The following CCDC171 variants were observed in gnomAD, a reference collection of about 807,000 sequenced individuals.
CCDC171 encodes the protein coiled-coil domain containing 171, also known as coiled-coil domain-containing protein 171.
A neutral mutation model predicts 168.2 loss-of-function variants in CCDC171; 177 were observed. That is an observed-to-expected ratio of 1.05 (90% confidence interval 0.93 to 1.19). The LOEUF (loss-of-function observed/expected upper bound fraction) is 1.19. Ranked by LOEUF, CCDC171 falls within the 50% of genes most tolerant of loss-of-function variation. The pLI, the probability that CCDC171 is intolerant of heterozygous loss-of-function variation, is 0.00. For missense variants in CCDC171, 1,991 were observed against 1,539.0 expected (o/e 1.29, Z -4.91); for synonymous variants, 687 against 540.8 (o/e 1.27, Z -3.75).
chr9:15,933,802 T>A lies in CCDC171; in HGVS notation c.3753+13380T>A, dbSNP rs146165113. Among the ~76,000 whole-genome samples the A allele has an allele frequency of 5.3e-3, 813 of 152,090 alleles. 9 individuals are homozygous for A. Among genetic ancestry groups the A allele is most frequent in the African/African-American group, 0.018 (763 of 41,528 alleles). ...GGATTAAAAACCTACATAAGAGATCTAAAACTATAAAATGCTTAGTAAAAT... is the reference window on the plus strand; with the variant it reads ...GGATTAAAAACCTACATAAGAGATCAAAAACTATAAAATGCTTAGTAAAAT... On this transcript the variant is annotated intron_variant, in intron 25 of 25. Transcript: ENST00000380701.
intron 18 of CCDC171, among the ~76,000 whole-genome samples, chr9:15,766,641 A>G (rs1437453256): frequency 2.1e-5 from 3 of 142,846 alleles, no homozygotes; most frequent in African/African-American, 7.8e-5. Context: ...TCTTAGTTAC[A>G]TTTATTTTTA....
intron 7 of CCDC171, among the ~76,000 whole-genome samples, chr9:15,626,160 G>A (rs2045082717): frequency 6.6e-6 from 1 of 152,158 alleles, no homozygotes; most frequent in Non-Finnish European, 1.5e-5. Flanking sequence ...TTTGCACATT[G>A]ATTTTGTATC....
chr9:15,691,215 G>A (rs1030682115), intron 10 of CCDC171, among the ~76,000 whole-genome samples: 1 of 151,876 alleles, frequency 6.6e-6, no homozygotes, highest in Non-Finnish European at 1.5e-5. Flanking sequence ...ACAGTAGGGG[G>A]GACTGGTTAA....
intron 21 of CCDC171, among the ~76,000 whole-genome samples, chr9:15,823,284 C>T (rs946442868): frequency 4.6e-5 from 7 of 151,954 alleles, no homozygotes; most frequent in South Asian, 2.1e-4. Flanking sequence ...TGTAACAAAC[C>T]TTCACGTTGT....
At chr9:16,039,996 A>G (rs77118994), upstream of CCDC171, among the ~76,000 whole-genome samples, 2 of 152,150 alleles carry the variant, frequency 1.3e-5, no homozygotes, top group South Asian at 4.1e-4. Flanking sequence ...TACTCATTAC[A>G]TGTGAGGGAC....
chr9:15,860,483 A>T (rs2061514005), intron 23 of CCDC171, among the ~76,000 whole-genome samples: 1 of 151,206 alleles, frequency 6.6e-6, no homozygotes, highest in Non-Finnish European at 1.5e-5. Flanking sequence ...GTCTCAAGAT[A>T]TTTTCTAACT....
intron 9 of CCDC171, among the ~76,000 whole-genome samples, chr9:15,670,742 T>C (rs1267223660): frequency 6.6e-6 from 1 of 152,204 alleles, no homozygotes; most frequent in Non-Finnish European, 1.5e-5. Context: ...CACATTTTAT[T>C]GTGTTCTTTG....
intron 11 of CCDC171, among the ~76,000 whole-genome samples, chr9:15,697,013 C>G (rs1024247642): frequency 1.3e-5 from 2 of 152,098 alleles, no homozygotes; most frequent in African/African-American, 2.4e-5. Context: ...CTTGCTGATC[C>G]ATTCTCCTCT....
chr9:15,952,000 C>A lies in CCDC171; in HGVS notation c.3754-19609C>A, dbSNP rs189628681. ...TTCTAAAAATTTTATAATTTTTGGT[C>A]TTACATTAGGTCCTTGATCCATTTT... On this transcript the variant is annotated intron_variant, in intron 25 of 25. Transcript: ENST00000380701. Among the ~76,000 whole-genome samples, 676 of 152,196 alleles carry A rather than the reference C, an allele frequency of 4.4e-3. 5 individuals are homozygous for A. The highest frequency in any genetic ancestry group is 0.016 in the African/African-American group (661 of 41,546).
At chr9:15,721,996 A>G (rs2053514332) in intron 12 of CCDC171, 121 bp downstream of exon 12, 1 of 397,848 alleles carries the variant, frequency 2.5e-6, no homozygotes, top group Non-Finnish European at 4.5e-6. Context: ...CACAGATACA[A>G]AAAATAATAA....
At chr9:15,625,933 C>A (rs1323776412) in intron 7 of CCDC171, among the ~76,000 whole-genome samples, 2 of 152,072 alleles carry the variant, frequency 1.3e-5, no homozygotes, top group South Asian at 2.1e-4. Flanking sequence ...CACGATATTG[C>A]TTCTTCCTAA....
intron 21 of CCDC171, among the ~76,000 whole-genome samples, chr9:15,812,015 C>A (rs1044797754): frequency 6.6e-6 from 1 of 152,022 alleles, no homozygotes; most frequent in Admixed American, 6.6e-5. Flanking sequence ...TGATCCTACA[C>A]GTCTAGGGGA....
the CCDC171 span, among the ~76,000 whole-genome samples, chr9:16,082,056 T>C: frequency 2.0e-5 from 3 of 152,176 alleles, no homozygotes; most frequent in African/African-American, 7.2e-5. Context: ...AAAAACCTGC[T>C]CTTGATTTTG....
chr9:15,993,472 G>T (rs1030154187), intron 3 of CCDC171, among the ~76,000 whole-genome samples: 21 of 151,896 alleles, frequency 1.4e-4, no homozygotes, highest in Non-Finnish European at 2.4e-4. Context: ...TAAATGGTAG[G>T]CCTAAACCCA....
At chr9:16,065,451 C>G (rs1013033048), downstream of CCDC171, among the ~76,000 whole-genome samples, 1 of 152,116 alleles carries the variant, frequency 6.6e-6, no homozygotes, top group Non-Finnish European at 1.5e-5. Context: ...TTCCTTTCAC[C>G]TTGGAAAGCT....
At chr9:15,995,046 G>A (rs900678415) in intron 3 of CCDC171, among the ~76,000 whole-genome samples, 1 of 152,082 alleles carries the variant, frequency 6.6e-6, no homozygotes, top group Non-Finnish European at 1.5e-5. Context: ...TCCAAGCATT[G>A]GCAACAGAAT....
intron 9 of CCDC171, 59 bp from the exon 10 acceptor site, chr9:15,678,699 G>A: frequency 1.4e-6 from 2 of 1,415,052 alleles, no homozygotes; most frequent in Non-Finnish European, 1.9e-6. Context: ...TTAAAGGTGT[G>A]TAATATCAGT....
At chr9:15,864,414 C>G (rs1588907473) in intron 23 of CCDC171, among the ~76,000 whole-genome samples, 1 of 152,014 alleles carries the variant, frequency 6.6e-6, no homozygotes, top group East Asian at 1.9e-4. Flanking sequence ...CACCCATTAA[C>G]TTGTCATTTA....
chr9:15,799,334 G>A (rs2058709604), intron 21 of CCDC171, among the ~76,000 whole-genome samples: 1 of 150,928 alleles, frequency 6.6e-6, no homozygotes, highest in Non-Finnish European at 1.5e-5. Flanking sequence ...CTTTAAATAT[G>A]TTGTTCCCTT....
Sources: allele counts gnomAD v4.1 joint callset (sites outside exome capture counted in the v4.1 genomes callset), GRCh38; gene constraint gnomAD v4.1.1; transcripts MANE v1.5; gene names NCBI Gene and HGNC (gene_info 2026-07-23, HGNC 2026-07-21).